The following SH3RF3 variants were observed in gnomAD, a reference collection of about 807,000 sequenced individuals.
The protein encoded by SH3RF3 is SH3 domain containing ring finger 3, also known as E3 ubiquitin-protein ligase SH3RF3.
Under a neutral mutation model 66.3 loss-of-function variants are expected in SH3RF3, and 29 were observed. The ratio of observed to expected loss-of-function variants is 0.44; its 90% CI spans 0.33 to 0.60. SH3RF3 has a LOEUF of 0.60. SH3RF3 is among the 20% of genes least tolerant of loss of function. The pLI, the probability that SH3RF3 is intolerant of heterozygous loss-of-function variation, is 0.04. For synonymous variants in SH3RF3, 583 were observed against 532.0 expected (o/e 1.10, Z -1.32); for missense variants, 1,194 against 1,190.9 (o/e 1.00, Z -0.04).
In SH3RF3 at chr2:109,503,510, C is replaced by A. The variant is rs1238051771; in HGVS notation, c.*1839C>A. On this transcript the variant is annotated 3_prime_UTR_variant, in exon 10 of 10. Coordinates refer to ENST00000309415, the MANE Select transcript of SH3RF3 (RefSeq NM_001099289.3). ...TGTTCAGAATCAAAGAAGAAAAAGT[C>A]TGGCTTAAACATAGTAACTTCTGTG... is the stretch of plus-strand genomic sequence containing the variant. 6.6e-6 allele frequency: 1 copy of A among 152,174 alleles called. No individual in the cohort carries two copies. The highest frequency in any genetic ancestry group is 6.5e-5 in the Admixed American group (1 of 15,276). 9.4% of individuals were successfully genotyped at this position (152,174 alleles called of 1,614,324 possible).
At chr2:109,492,185 C>A (rs540805073) in intron 9 of SH3RF3, among the ~76,000 whole-genome samples, 150 of 152,160 alleles carry the variant, frequency 9.9e-4, no homozygotes, top group Non-Finnish European at 1.7e-3. Flanking sequence ...ATTTAAATTT[C>A]GTACAATTTT....
chr2:109,480,554 A>G (rs1168873836), intron 8 of SH3RF3, among the ~76,000 whole-genome samples: 1 of 152,160 alleles, frequency 6.6e-6, no homozygotes, highest in Non-Finnish European at 1.5e-5. Context: ...GGCAGCCAAC[A>G]CTTGTCACTC....
At chr2:109,363,238 T>C (rs1394139927) in intron 2 of SH3RF3, among the ~76,000 whole-genome samples, 3 of 152,142 alleles carry the variant, frequency 2.0e-5, no homozygotes, top group African/African-American at 7.2e-5. Flanking sequence ...CCTCTTTTTT[T>C]ACTTTTTTAA....
chr2:109,448,399 G>T (rs1410135500), intron 7 of SH3RF3, among the ~76,000 whole-genome samples: 1 of 152,198 alleles, frequency 6.6e-6, no homozygotes, highest in African/African-American at 2.4e-5. Flanking sequence ...TGCACAGCAG[G>T]TTGTGAGTGG....
chr2:109,499,170 G>A (rs907207018), intron 9 of SH3RF3, among the ~76,000 whole-genome samples: 1 of 152,206 alleles, frequency 6.6e-6, no homozygotes, highest in African/African-American at 2.4e-5. Flanking sequence ...AGACCTGCAC[G>A]GAGGCCACCA....
At chr2:109,299,140 A>G (rs551682770) in intron 1 of SH3RF3, among the ~76,000 whole-genome samples, 1 of 152,136 alleles carries the variant, frequency 6.6e-6, no homozygotes, top group African/African-American at 2.4e-5. Flanking sequence ...TCCTCTCCCC[A>G]TGGGTGTTGC....
chr2:109,314,148 G>T (rs1277579661), intron 1 of SH3RF3, among the ~76,000 whole-genome samples: 1 of 152,138 alleles, frequency 6.6e-6, no homozygotes, highest in Non-Finnish European at 1.5e-5. Context: ...AACTGCAGGT[G>T]CCAAGGTCGT....
At chr2:109,422,287 G>C (rs982726982) in intron 5 of SH3RF3, among the ~76,000 whole-genome samples, 3 of 152,236 alleles carry the variant, frequency 2.0e-5, no homozygotes, top group African/African-American at 7.2e-5. Context: ...TGATGTGAAA[G>C]TCAGCCATGG....
chr2:109,200,702 G>T (rs924692964), intron 1 of SH3RF3, among the ~76,000 whole-genome samples: 2 of 152,156 alleles, frequency 1.3e-5, no homozygotes, highest in Admixed American at 6.5e-5. Flanking sequence ...ACTCCGGTTG[G>T]TTCACCTGCT....
At chr2:109,488,687 C>T (rs1342703518) in intron 8 of SH3RF3, among the ~76,000 whole-genome samples, 1 of 152,194 alleles carries the variant, frequency 6.6e-6, no homozygotes, top group Non-Finnish European at 1.5e-5. Flanking sequence ...GTGCCGCCAA[C>T]AAGAGTTCTC....
intron 1 of SH3RF3, among the ~76,000 whole-genome samples, chr2:109,252,061 A>G (rs1680105959): frequency 6.7e-6 from 1 of 148,840 alleles, no homozygotes; most frequent in Non-Finnish European, 1.5e-5. Context: ...AGCCTGGGCA[A>G]CATATAGAGA....
At chr2:109,171,436 C>T (rs1677781483) in intron 1 of SH3RF3, among the ~76,000 whole-genome samples, 1 of 152,236 alleles carries the variant, frequency 6.6e-6, no homozygotes, top group Non-Finnish European at 1.5e-5. Flanking sequence ...AAATACTCTT[C>T]CTAACAAAAA....
At chr2:109,397,286 T>C (rs1676172887) in intron 3 of SH3RF3, among the ~76,000 whole-genome samples, 1 of 148,330 alleles carries the variant, frequency 6.7e-6, no homozygotes. Context: ...AGCTGGCATT[T>C]ACTCAGTTTT....
At chr2:109,352,939 A>C (rs949413007) in intron 2 of SH3RF3, among the ~76,000 whole-genome samples, 3 of 152,238 alleles carry the variant, frequency 2.0e-5, no homozygotes, top group Admixed American at 6.5e-5. Context: ...CTTTGCCAGA[A>C]ATTTTCAGAA....
chr2:109,501,133 T>C (rs1346269374), intron 9 of SH3RF3, among the ~76,000 whole-genome samples: 2 of 151,946 alleles, frequency 1.3e-5, no homozygotes, highest in East Asian at 1.9e-4. Flanking sequence ...GGACACAGTT[T>C]TTCCTGACCC....
intron 1 of SH3RF3, among the ~76,000 whole-genome samples, chr2:109,130,546 C>T (rs1162753240): frequency 6.6e-6 from 1 of 152,148 alleles, no homozygotes; most frequent in Non-Finnish European, 1.5e-5. Context: ...TCTGGGAAGC[C>T]CGCGGGCCTC....
At chr2:109,169,879 C>A (rs1677719941) in intron 1 of SH3RF3, among the ~76,000 whole-genome samples, 1 of 152,034 alleles carries the variant, frequency 6.6e-6, no homozygotes, top group African/African-American at 2.4e-5. Flanking sequence ...ATGCTCCCTC[C>A]CACTGGCACC....
intron 5 of SH3RF3, among the ~76,000 whole-genome samples, chr2:109,430,122 G>T (rs1218885332): frequency 6.6e-6 from 1 of 152,192 alleles, no homozygotes; most frequent in African/African-American, 2.4e-5. Context: ...CCACTCCAGA[G>T]GAAAGGCAGC....
intron 2 of SH3RF3, among the ~76,000 whole-genome samples, chr2:109,361,840 C>T: frequency 6.6e-6 from 1 of 152,192 alleles, no homozygotes; most frequent in Non-Finnish European, 1.5e-5. Context: ...TCCATTTCAT[C>T]TGGGTTATCA....
Sources: allele counts gnomAD v4.1 joint callset (sites outside exome capture counted in the v4.1 genomes callset), GRCh38; gene constraint gnomAD v4.1.1; transcripts MANE v1.5; gene names NCBI Gene and HGNC (gene_info 2026-07-23, HGNC 2026-07-21).